KCNH1: variants seen among roughly 807,000 people sequenced by gnomAD.
The protein encoded by KCNH1 is voltage-gated delayed rectifier potassium channel KCNH1.
In KCNH1, 27 loss-of-function variants were observed where a neutral mutation model predicts 69.2. The observed-to-expected ratio is 0.39, with a 90% CI of 0.29 to 0.54. The LOEUF (loss-of-function observed/expected upper bound fraction) is 0.54, where lower values mean the gene tolerates loss of function less well. Ranked by LOEUF, KCNH1 falls within the 20% of genes least tolerant of loss-of-function variation. The pLI is 0.68. For synonymous variants in KCNH1, 456 were observed against 487.7 expected (o/e 0.93, Z 0.86); for missense variants, 798 against 1,261.6 (o/e 0.63, Z 5.57).
intron 1 of KCNH1, among the ~76,000 whole-genome samples, chr1:211,121,137 T>C (rs1691675572): frequency 6.6e-6 from 1 of 152,192 alleles, no homozygotes; most frequent in South Asian, 2.1e-4. Context: ...GCTATTCTCA[T>C]CAAACTACCA....
rs150740333 is a variant in KCNH1, at chr1:211,064,627, A to G, written c.558+18153T>C. ...TATGACCACTTTTTTTTTTAAATGT[A>G]TAAGTATATACAATTATATCAAGCT... is the stretch of plus-strand genomic sequence containing the variant. On this transcript the variant is annotated intron_variant, in intron 5 of 10. Transcript: ENST00000271751. Among the ~76,000 whole-genome samples the G allele has an allele frequency of 1.5e-3, 231 of 152,226 alleles. 1 individual carries two copies. The highest frequency in any genetic ancestry group is 5.2e-3 in the African/African-American group (216 of 41,544).
At position 210,804,139 on chromosome 1, in the gene KCNH1, T is replaced by G. The variant is rs761708962; in HGVS notation, c.1490A>C (p.Asn497Thr). ...GSLLYATIFG[N>T]VTTIFQQMYA... Reference sequence around the variant, plus strand: ...CATCTGTTGGAAAATAGTCGTCACATTCCCGAAGATGGTGGCATAGAGAAG... The same window carrying G: ...CATCTGTTGGAAAATAGTCGTCACAGTCCCGAAGATGGTGGCATAGAGAAG... The change falls in exon 8 of 11, where the codon AAT (asparagine) becomes ACT (threonine). Residue 497 changes from asparagine to threonine, a missense_variant. Physicochemically the swap from Asn to Thr is moderately conservative, Grantham distance 65. Around this residue, in one of 4 missense-constraint regions of KCNH1, gnomAD observed 197 missense variants for 407.7 expected, o/e 0.48. Coordinates refer to ENST00000271751, the MANE Select transcript of KCNH1 (RefSeq NM_172362.3). 6.2e-7 allele frequency: 1 copy of G among 1,613,424 alleles called. No individual in the cohort carries two copies. Among genetic ancestry groups the G allele is most frequent in the Non-Finnish European group, 8.5e-7 (1 of 1,179,704 alleles).
At chr1:210,849,493 G>C (rs1227663884) in intron 7 of KCNH1, among the ~76,000 whole-genome samples, 2 of 151,018 alleles carry the variant, frequency 1.3e-5, no homozygotes, top group Admixed American at 1.3e-4. Flanking sequence ...CAGCCTCCTG[G>C]GTAGCTGGGA....
chr1:210,846,849 T>G (rs1253427671), intron 7 of KCNH1, among the ~76,000 whole-genome samples: 3 of 152,166 alleles, frequency 2.0e-5, no homozygotes, highest in African/African-American at 7.2e-5. Flanking sequence ...AGGGCTAATA[T>G]CCAGAATCTA....
chr1:210,958,464 T>G (rs923596213), intron 6 of KCNH1, among the ~76,000 whole-genome samples: 1 of 152,192 alleles, frequency 6.6e-6, no homozygotes, highest in Non-Finnish European at 1.5e-5. Flanking sequence ...CTGCCTTGCC[T>G]GGTTGGGGAA....
At chr1:210,826,067 A>G (rs1685026086) in intron 7 of KCNH1, among the ~76,000 whole-genome samples, 1 of 152,142 alleles carries the variant, frequency 6.6e-6, no homozygotes, top group African/African-American at 2.4e-5. Flanking sequence ...GTTCTATTTT[A>G]TTCTTTTTAA....
At chr1:210,956,613 G>A (rs1325194670) in intron 6 of KCNH1, among the ~76,000 whole-genome samples, 2 of 149,528 alleles carry the variant, frequency 1.3e-5, no homozygotes, top group Non-Finnish European at 3.0e-5. Flanking sequence ...TCTATTCAGA[G>A]ATTCCACTTC....
At chr1:210,735,230 GC>G (rs1682845596) in intron 10 of KCNH1, among the ~76,000 whole-genome samples, 1 of 152,042 alleles carries the variant, frequency 6.6e-6, no homozygotes, top group Admixed American at 6.5e-5. Flanking sequence ...AGACTTGTGA[GC>G]CCCCCTGCCT....
chr1:210,727,955 G>C (rs1465432874), intron 10 of KCNH1, among the ~76,000 whole-genome samples: 4 of 152,212 alleles, frequency 2.6e-5, no homozygotes, highest in African/African-American at 9.7e-5. Flanking sequence ...ATGAACCACT[G>C]AATCAGGACA....
At chr1:210,861,012 T>A (rs940226049) in intron 7 of KCNH1, 28 of 1,058,402 alleles carry the variant, frequency 2.6e-5, no homozygotes, top group African/African-American at 4.7e-5. Flanking sequence ...AGGTCAGCAT[T>A]GGGTTCTGTA....
intron 9 of KCNH1, 113 bp from the exon 10 acceptor site, chr1:210,775,657 G>T: frequency 2.9e-6 from 2 of 696,808 alleles, no homozygotes; most frequent in Non-Finnish European, 2.4e-6. Flanking sequence ...TGCAGATTGG[G>T]CTCAGAGAAG....
chr1:210,917,763 C>T (rs969897438), intron 7 of KCNH1, among the ~76,000 whole-genome samples: 2 of 152,148 alleles, frequency 1.3e-5, no homozygotes, highest in African/African-American at 4.8e-5. Flanking sequence ...GGTTGTTTAT[C>T]GGGTGCCCCA....
chr1:210,943,240 G>T (rs1473507536), intron 6 of KCNH1, among the ~76,000 whole-genome samples: 2 of 152,056 alleles, frequency 1.3e-5, no homozygotes, highest in African/African-American at 4.8e-5. Context: ...AGCCAAACCA[G>T]CCTACTATTT....
chr1:211,057,356 C>T (rs1227728193), intron 5 of KCNH1, among the ~76,000 whole-genome samples: 2 of 152,150 alleles, frequency 1.3e-5, no homozygotes, highest in Non-Finnish European at 2.9e-5. Context: ...GAATTAAAAG[C>T]CAGGCACAGT....
At chr1:210,845,214 C>A (rs1169365270) in intron 7 of KCNH1, among the ~76,000 whole-genome samples, 1 of 152,274 alleles carries the variant, frequency 6.6e-6, no homozygotes. Context: ...GGGAATCCTC[C>A]CCAACTCATT....
chr1:210,755,656 C>T (rs990896631), intron 10 of KCNH1, among the ~76,000 whole-genome samples: 21 of 144,230 alleles, frequency 1.5e-4, no homozygotes, highest in Non-Finnish European at 1.2e-4. Context: ...TACCGGGTTC[C>T]TCTTTTCCAT....
chr1:210,753,772 T>G (rs1683332231), intron 10 of KCNH1, among the ~76,000 whole-genome samples: 1 of 152,226 alleles, frequency 6.6e-6, no homozygotes, highest in African/African-American at 2.4e-5. Flanking sequence ...ATTATAATTC[T>G]TAAAGATTTT....
At chr1:210,790,529 A>G (rs1185180391) in intron 9 of KCNH1, among the ~76,000 whole-genome samples, 2 of 152,256 alleles carry the variant, frequency 1.3e-5, no homozygotes, top group African/African-American at 2.4e-5. Context: ...GCAAATAAAA[A>G]TACAAGATAC....
intron 10 of KCNH1, among the ~76,000 whole-genome samples, chr1:210,755,099 C>A (rs1297359756): frequency 6.6e-6 from 1 of 152,002 alleles, no homozygotes; most frequent in East Asian, 1.9e-4. Flanking sequence ...CTCTGTGACC[C>A]CTGTGCATGC....
Sources: gnomAD v4.1 joint callset for allele counts (sites outside exome capture counted in the v4.1 genomes callset) on GRCh38, gnomAD v4.1.1 for gene constraint, gnomAD v4.1.1 regional missense constraint, MANE v1.5 for transcripts, NCBI Gene and HGNC (gene_info 2026-07-23, HGNC 2026-07-21) for gene names.